The following CSMD1 variants were observed in gnomAD, a reference collection of about 807,000 sequenced individuals.
The protein encoded by CSMD1 is CUB and Sushi multiple domains 1, also known as CUB and sushi domain-containing protein 1.
CSMD1 carries 213 observed loss-of-function variants against 417.5 expected under a neutral mutation model. That is an observed-to-expected ratio of 0.51 (90% CI 0.46 to 0.57). The LOEUF (loss-of-function observed/expected upper bound fraction) is 0.57, where lower values mean the gene tolerates loss of function less well. Ranked by LOEUF, CSMD1 falls within the 20% of genes least tolerant of loss-of-function variation. The pLI, the probability that CSMD1 is intolerant of heterozygous loss-of-function variation, is 0.00. For missense variants in CSMD1, 6,923 were observed against 4,529.7 expected (o/e 1.53, Z -15.17); for synonymous variants, 2,862 against 1,736.8 (o/e 1.65, Z -16.11).
intron 1 of CSMD1, among the ~76,000 whole-genome samples, chr8:4,856,087 A>G (rs1279289847): frequency 6.6e-6 from 1 of 152,226 alleles, no homozygotes; most frequent in East Asian, 1.9e-4. Context: ...CCTGCAAGCC[A>G]GAAGAGAGTG....
chr8:4,246,711 A>C (rs181390092), intron 3 of CSMD1, among the ~76,000 whole-genome samples: 2 of 152,174 alleles, frequency 1.3e-5, no homozygotes, highest in African/African-American at 4.8e-5. Flanking sequence ...TTGTTTTTTA[A>C]TTTATCATTG....
At chr8:3,986,899 T>C (rs781599729) in intron 5 of CSMD1, among the ~76,000 whole-genome samples, 1 of 151,998 alleles carries the variant, frequency 6.6e-6, no homozygotes, top group Non-Finnish European at 1.5e-5. Context: ...GGATTGCAGG[T>C]GCACGCCACC....
At chr8:4,960,150 A>G (rs181393331) in intron 1 of CSMD1, among the ~76,000 whole-genome samples, 1 of 152,326 alleles carries the variant, frequency 6.6e-6, no homozygotes, top group East Asian at 1.9e-4. Context: ...GAAATGTACT[A>G]GACCCACAAA....
intron 26 of CSMD1, among the ~76,000 whole-genome samples, chr8:3,282,884 G>C (rs1194400547): frequency 6.6e-6 from 1 of 152,118 alleles, no homozygotes; most frequent in Non-Finnish European, 1.5e-5. Context: ...GAGATAAATT[G>C]AGTCTGAATG....
At chr8:4,924,835 T>C (rs1224275598) in intron 1 of CSMD1, among the ~76,000 whole-genome samples, 1 of 151,874 alleles carries the variant, frequency 6.6e-6, no homozygotes, top group Non-Finnish European at 1.5e-5. Flanking sequence ...TTAAGATTAT[T>C]ACAGTTCGGG....
intron 49 of CSMD1, among the ~76,000 whole-genome samples, chr8:3,075,001 T>G (rs1203931718): frequency 6.6e-6 from 1 of 152,130 alleles, no homozygotes; most frequent in East Asian, 1.9e-4. Context: ...ACCTTCCTTT[T>G]GGTGCTGTCC....
At chr8:3,758,625 G>A (rs1322651616) in intron 5 of CSMD1, among the ~76,000 whole-genome samples, 1 of 152,190 alleles carries the variant, frequency 6.6e-6, no homozygotes, top group Non-Finnish European at 1.5e-5. Context: ...CAAATTAGGT[G>A]AAATTGTGAA....
chr8:3,916,326 T>A (rs1159138994), intron 5 of CSMD1, among the ~76,000 whole-genome samples: 1 of 152,152 alleles, frequency 6.6e-6, no homozygotes, highest in Non-Finnish European at 1.5e-5. Context: ...ACGCCGGATA[T>A]TTATATAGCA....
intron 26 of CSMD1, among the ~76,000 whole-genome samples, chr8:3,255,664 A>T (rs529324261): frequency 6.6e-6 from 1 of 152,192 alleles, no homozygotes; most frequent in Non-Finnish European, 1.5e-5. Flanking sequence ...GGACCCTCTG[A>T]GCCATGCACG....
intron 2 of CSMD1, among the ~76,000 whole-genome samples, chr8:4,470,858 G>C (rs531811832): frequency 6.6e-6 from 1 of 152,072 alleles, no homozygotes; most frequent in East Asian, 1.9e-4. Flanking sequence ...TTTTTTTTGA[G>C]TTATGTAAAA....
chr8:3,204,338 T>C (rs1379255577), intron 31 of CSMD1, among the ~76,000 whole-genome samples: 1 of 152,092 alleles, frequency 6.6e-6, no homozygotes, highest in Non-Finnish European at 1.5e-5. Flanking sequence ...TATTTTGTCA[T>C]GTTTCCATGA....
At chr8:4,144,150 C>G (rs1332298990) in intron 3 of CSMD1, among the ~76,000 whole-genome samples, 1 of 151,058 alleles carries the variant, frequency 6.6e-6, no homozygotes, top group Non-Finnish European at 1.5e-5. Context: ...TGTTTCCCTT[C>G]TGATACAGCT....
intron 23 of CSMD1, among the ~76,000 whole-genome samples, chr8:3,308,732 G>GTGTTTTTTT (rs1805090018): frequency 1.8e-5 from 2 of 108,930 alleles, no homozygotes; most frequent in African/African-American, 7.2e-5. Flanking sequence ...CTACTTACAA[G>GTGTTTTTTT]TTTTTTTTTT....
rs368402301 is a variant in CSMD1, at chr8:4,112,127, C to A, written c.416-80028G>T. The stretch of plus-strand genomic sequence containing the variant: ...CACATTAGCCCACAAGATCAGGGGC[C>A]CCTTCAAAGTGCTGGGCATCCAGAG... On this transcript the variant is annotated intron_variant, in intron 3 of 69. Coordinates refer to ENST00000635120, the MANE Select transcript of CSMD1 (RefSeq NM_033225.6). Among the ~76,000 whole-genome samples, 19 of 152,192 alleles carry A rather than the reference C, an allele frequency of 1.2e-4. No individual in the cohort carries two copies. The South Asian group carries it at 2.9e-3, about 23-fold the overall frequency.
chr8:4,149,015 G>C (rs1016324407), intron 3 of CSMD1, among the ~76,000 whole-genome samples: 1 of 150,524 alleles, frequency 6.6e-6, no homozygotes. Context: ...CCAGGCTGGA[G>C]TGCAGTGGCA....
In CSMD1 at chr8:4,083,586, G is replaced by C. The variant is rs186313512; in HGVS notation, c.416-51487C>G. 7.4e-3 allele frequency among the ~76,000 whole-genome samples: 1,131 copies of C among 152,242 alleles called. 13 individuals carry two copies. The highest frequency in any genetic ancestry group is 0.026 in the African/African-American group (1,089 of 41,532). ...GACAAACCTGACAAAAAGAAGAAAT[G>C]GGGAAAGGATTCCCTATTTAATTAA... On this transcript the variant is annotated intron_variant, in intron 3 of 69. Transcript: ENST00000635120.
intron 52 of CSMD1, among the ~76,000 whole-genome samples, chr8:3,010,903 C>A (rs1427877964): frequency 6.6e-6 from 1 of 151,930 alleles, no homozygotes; most frequent in Non-Finnish European, 1.5e-5. Flanking sequence ...ACCATTATGT[C>A]CAGTAGTAGA....
At chr8:4,457,893 G>C (rs1799583643) in intron 2 of CSMD1, among the ~76,000 whole-genome samples, 1 of 152,142 alleles carries the variant, frequency 6.6e-6, no homozygotes, top group Non-Finnish European at 1.5e-5. Flanking sequence ...GCACCGTAGT[G>C]AACGTCTCCA....
chr8:4,702,571 G>A (rs1396611693), intron 1 of CSMD1, among the ~76,000 whole-genome samples: 6 of 152,122 alleles, frequency 3.9e-5, no homozygotes, highest in Admixed American at 3.9e-4. Flanking sequence ...CATCTGAAAG[G>A]TTCCGTAGGA....
Sources: allele counts gnomAD v4.1 joint callset (sites outside exome capture counted in the v4.1 genomes callset), GRCh38; gene constraint gnomAD v4.1.1; transcripts MANE v1.5; gene names NCBI Gene and HGNC (gene_info 2026-07-23, HGNC 2026-07-21).